BRAF: variants seen among roughly 807,000 people sequenced by gnomAD.
BRAF encodes B-Raf proto-oncogene, serine/threonine kinase.
In BRAF, 16 loss-of-function variants were observed where a neutral mutation model predicts 104.6. That is an observed-to-expected ratio of 0.15 (90% CI 0.10 to 0.23). The LOEUF (loss-of-function observed/expected upper bound fraction) is 0.23, where lower values mean the gene tolerates loss of function less well. BRAF is among the 10% of genes least tolerant of loss of function. The pLI, the probability that BRAF is intolerant of heterozygous loss-of-function variation, is 1.00. For synonymous variants in BRAF, 310 were observed against 341.6 expected (o/e 0.91, Z 1.02); for missense variants, 541 against 937.3 (o/e 0.58, Z 5.52).
intron 3 of BRAF, among the ~76,000 whole-genome samples, chr7:140,814,827 T>C (rs1326810118): frequency 6.8e-6 from 1 of 146,402 alleles, no homozygotes; most frequent in Non-Finnish European, 1.5e-5. Flanking sequence ...ATAATTTATA[T>C]ATATTATATA....
chr7:140,893,833 A>G (rs755371222), intron 1 of BRAF, among the ~76,000 whole-genome samples: 6 of 152,152 alleles, frequency 3.9e-5, no homozygotes, highest in Non-Finnish European at 8.8e-5. Context: ...AAAATGACTG[A>G]AAAAACAAAA....
intron 1 of BRAF, among the ~76,000 whole-genome samples, chr7:140,916,722 C>G (rs558824283): frequency 2.6e-4 from 39 of 152,278 alleles, no homozygotes; most frequent in African/African-American, 9.4e-4. Flanking sequence ...CCACATAATT[C>G]AAGACAGAGA....
downstream of BRAF, among the ~76,000 whole-genome samples, chr7:140,715,801 A>AACTT (rs1410877656): frequency 6.6e-6 from 1 of 152,232 alleles, no homozygotes; most frequent in Admixed American, 6.5e-5. Flanking sequence ...TAATAATGAA[A>AACTT]ACTTACTATG....
At chr7:140,818,927 C>T (rs1359384556) in intron 3 of BRAF, among the ~76,000 whole-genome samples, 1 of 152,034 alleles carries the variant, frequency 6.6e-6, no homozygotes, top group Admixed American at 6.5e-5. Context: ...GATAGCTTAC[C>T]TAGGAATAAA....
intron 1 of BRAF, among the ~76,000 whole-genome samples, chr7:140,908,146 A>C (rs1327503796): frequency 1.3e-5 from 2 of 152,208 alleles, no homozygotes; most frequent in Non-Finnish European, 2.9e-5. Flanking sequence ...CAACATTTGA[A>C]GATTTTATAG....
intron 1 of BRAF, among the ~76,000 whole-genome samples, chr7:140,914,077 CAAA>C (rs1207546377): frequency 6.6e-6 from 1 of 151,396 alleles, no homozygotes; most frequent in Non-Finnish European, 1.5e-5. Context: ...ACATTCAAAA[CAAA>C]AAAAAGAACA....
At chr7:140,800,298 C>G (rs1164124844) in intron 7 of BRAF, 64 bp downstream of exon 7, 1 of 1,610,734 alleles carries the variant, frequency 6.2e-7, no homozygotes, top group Non-Finnish European at 8.5e-7. Flanking sequence ...TTCTAATTAA[C>G]CAGGAGATCC....
intron 8 of BRAF, among the ~76,000 whole-genome samples, chr7:140,794,008 A>G (rs1056253455): frequency 2.0e-5 from 3 of 152,192 alleles, no homozygotes; most frequent in African/African-American, 7.2e-5. Flanking sequence ...AATTCTGTCA[A>G]GGGCTTCTAT....
chr7:140,880,017 C>A (rs781600692), intron 1 of BRAF, among the ~76,000 whole-genome samples: 2 of 152,116 alleles, frequency 1.3e-5, no homozygotes, highest in Non-Finnish European at 1.5e-5. Context: ...CAGGTGTAAG[C>A]TACCGTGCCC....
Position 140,725,495 on chromosome 7 carries a change from GA to G in BRAF, c.*998del, listed in dbSNP as rs1463084339. 2.0e-5 allele frequency: 19 copies of G among 963,270 alleles called. No individual in the cohort carries two copies. Among genetic ancestry groups the G allele is most frequent in the Non-Finnish European group, 2.4e-5 (19 of 793,082 alleles). The allele number at this position is 963,270 out of a possible 1,614,324, so 59.7% of individuals were successfully genotyped here. On this transcript the variant is annotated 3_prime_UTR_variant, in exon 20 of 20. Coordinates refer to ENST00000644969, the MANE Select transcript of BRAF (RefSeq NM_001374258.1). ...ATAAAAATAGAAAAGAAGAAACTCA[GA>G]AATTAAAACCTGTACCTTATATTTA... is the stretch of plus-strand genomic sequence containing the variant.
chr7:140,890,827 A>G (rs1410462512), intron 1 of BRAF, among the ~76,000 whole-genome samples: 2 of 152,348 alleles, frequency 1.3e-5, no homozygotes, highest in Middle Eastern at 3.4e-3. Flanking sequence ...AAAAGGAAGC[A>G]TATTTTAATT....
At chr7:140,886,988 C>A (rs1813639652) in intron 1 of BRAF, among the ~76,000 whole-genome samples, 1 of 152,174 alleles carries the variant, frequency 6.6e-6, no homozygotes. Context: ...CCATTAAAAG[C>A]ATGCTACAAT....
chr7:140,908,548 C>T (rs1586621416), intron 1 of BRAF, among the ~76,000 whole-genome samples: 1 of 151,986 alleles, frequency 6.6e-6, no homozygotes, highest in Non-Finnish European at 1.5e-5. Flanking sequence ...ATGGAGGGTC[C>T]CTGGACCACC....
intron 18 of BRAF, among the ~76,000 whole-genome samples, chr7:140,736,161 C>T (rs1361794898): frequency 6.6e-6 from 1 of 151,394 alleles, no homozygotes; most frequent in African/African-American, 2.4e-5. Flanking sequence ...ACCTCCGCCT[C>T]CCAGGTTCAA....
intron 1 of BRAF, among the ~76,000 whole-genome samples, chr7:140,893,674 C>T (rs528725122): frequency 6.6e-6 from 1 of 152,152 alleles, no homozygotes; most frequent in South Asian, 2.1e-4. Flanking sequence ...AACAACCCCA[C>T]CCGCCACACC....
intron 1 of BRAF, among the ~76,000 whole-genome samples, chr7:140,861,834 A>G (rs1224457392): frequency 6.6e-6 from 1 of 152,218 alleles, no homozygotes; most frequent in African/African-American, 2.4e-5. Flanking sequence ...ACACTTTACT[A>G]TATACTTGAA....
chr7:140,728,116 C>G (rs1795714619), intron 19 of BRAF, among the ~76,000 whole-genome samples: 3 of 152,184 alleles, frequency 2.0e-5, no homozygotes, highest in Non-Finnish European at 4.4e-5. Context: ...GCTTTGTAAG[C>G]TGATAGTATT....
At chr7:140,875,665 A>T (rs1480378897) in intron 1 of BRAF, among the ~76,000 whole-genome samples, 1 of 152,232 alleles carries the variant, frequency 6.6e-6, no homozygotes, top group Non-Finnish European at 1.5e-5. Context: ...GGTGGGAGCC[A>T]CTGCGCCCAG....
chr7:140,918,395 C>T (rs1817845600), intron 1 of BRAF, among the ~76,000 whole-genome samples: 1 of 152,198 alleles, frequency 6.6e-6, no homozygotes, highest in Non-Finnish European at 1.5e-5. Context: ...AGGGTTCACG[C>T]TCCTGCCGCT....
Sources: gnomAD v4.1 joint callset for allele counts (sites outside exome capture counted in the v4.1 genomes callset) on GRCh38, gnomAD v4.1.1 for gene constraint, MANE v1.5 for transcripts, NCBI Gene and HGNC (gene_info 2026-07-23, HGNC 2026-07-21) for gene names.